Variants in COQ2 observed in about 807,000 individuals in gnomAD.
The protein encoded by COQ2 is coenzyme Q2, polyprenyltransferase, also known as 4-hydroxybenzoate polyprenyltransferase, mitochondrial.
COQ2 carries 25 observed loss-of-function variants against 35.7 expected under a neutral mutation model. The observed-to-expected ratio is 0.70, with a 90% CI of 0.51 to 0.98. The LOEUF (loss-of-function observed/expected upper bound fraction) is 0.98, where lower values mean the gene tolerates loss of function less well. Ranked by LOEUF, COQ2 falls within the 50% of genes least tolerant of loss-of-function variation. The pLI, the probability that COQ2 is intolerant of heterozygous loss-of-function variation, is 0.00. For synonymous variants in COQ2, 206 were observed against 186.2 expected (o/e 1.11, Z -0.86); for missense variants, 488 against 473.5 (o/e 1.03, Z -0.28).
At chr4:83,268,693 A>G (rs1734979175) in intron 5 of COQ2, among the ~76,000 whole-genome samples, 1 of 152,194 alleles carries the variant, frequency 6.6e-6, no homozygotes, top group Non-Finnish European at 1.5e-5. Context: ...CCTTACCGCA[A>G]AAAGTACAGG....
At chr4:83,282,979 G>C (rs937139029) in intron 1 of COQ2, among the ~76,000 whole-genome samples, 2 of 152,160 alleles carry the variant, frequency 1.3e-5, no homozygotes, top group African/African-American at 4.8e-5. Flanking sequence ...CCATGCCACA[G>C]ACTCCAAGAA....
At position 83,264,237 on chromosome 4, in the gene COQ2, T is replaced by C; in HGVS notation, c.1078A>G (p.Lys360Glu). 1 of 1,588,584 alleles carries C rather than the reference T, an allele frequency of 6.3e-7. No homozygotes were observed. The highest frequency in any genetic ancestry group is 8.6e-7 in the Non-Finnish European group (1 of 1,161,280). ...TTATTCTCTATACCCTTCTTTGTTT[T>C]GTCTGTCTTCTTTTCTTTCCACAAA... is the stretch of plus-strand genomic sequence containing the variant. The part of the protein sequence containing the change: ...GNLWKEKKTD[K>E]TKKGIENKIE... Residue 360 changes from lysine (K) to glutamate (E), a missense_variant, in exon 7 of 7, where the codon AAA becomes GAA. By Grantham distance (56) the Lys-to-Glu change is moderately conservative. Transcript: ENST00000647002.
intron 4 of COQ2, among the ~76,000 whole-genome samples, chr4:83,271,424 T>C (rs982153720): frequency 2.0e-5 from 3 of 152,200 alleles, no homozygotes; most frequent in Non-Finnish European, 2.9e-5. Flanking sequence ...CTTGTTTTCC[T>C]GCCACAGAGT....
intron 2 of COQ2, among the ~76,000 whole-genome samples, chr4:83,276,079 T>TATATATTTTATATATAATATATAAA (rs1735174500): frequency 2.1e-5 from 3 of 143,032 alleles, no homozygotes; most frequent in African/African-American, 7.7e-5. Flanking sequence ...TTATATATAA[T>TATATATTTTATATATAATATATAAA]ATATATATAC....
rs544844791 is a variant in COQ2 at position 83,268,935 on chromosome 4, C to T, written c.762+925G>A. Among the ~76,000 whole-genome samples the T allele has an allele frequency of 3.3e-5, 5 of 152,258 alleles. 1 individual carries two copies. The South Asian group carries it at 8.3e-4, about 25-fold the overall frequency. The stretch of plus-strand genomic sequence containing the variant: ...TATAAATGTATTCTCAGAACATGTA[C>T]TATCAAATCATCACACTGTATACCT... On this transcript the variant is annotated intron_variant, in intron 5 of 6. Transcript: ENST00000647002.
At chr4:83,282,603 A>G (rs759200003) in intron 1 of COQ2, 8 of 868,104 alleles carry the variant, frequency 9.2e-6, no homozygotes, top group African/African-American at 3.6e-5. Flanking sequence ...AATTTTCTCC[A>G]TTCCCCACTT....
chr4:83,265,458 G>A (rs1418559531), intron 6 of COQ2, among the ~76,000 whole-genome samples: 2 of 152,066 alleles, frequency 1.3e-5, no homozygotes, highest in African/African-American at 4.8e-5. Context: ...TGTGATCCCA[G>A]CTACTACGGA....
upstream of COQ2, chr4:83,284,888 C>G (rs929218586): frequency 5.3e-6 from 8 of 1,523,378 alleles, no homozygotes; most frequent in Non-Finnish European, 7.0e-6. Context: ...AACCTTTCCT[C>G]ATCCTTACTT....
intron 1 of COQ2, chr4:83,281,683 TACC>T (rs1396397977): frequency 1.3e-5 from 2 of 152,348 alleles, no homozygotes; most frequent in African/African-American, 4.8e-5. Flanking sequence ...GCACTTACTG[TACC>T]AGGTGGTTTC....
chr4:83,267,848 T>A (rs1168058971), intron 5 of COQ2, 74 bp from the exon 6 acceptor site: 3 of 1,242,760 alleles, frequency 2.4e-6, no homozygotes, highest in Non-Finnish European at 2.1e-6. Context: ...TTTTGAAGTA[T>A]CAGATTTAGT....
At chr4:83,267,853 T>C in intron 5 of COQ2, 79 bp from the exon 6 acceptor site, 1 of 1,173,472 alleles carries the variant, frequency 8.5e-7, no homozygotes, top group Non-Finnish European at 1.1e-6. Context: ...AAGTATCAGA[T>C]TTAGTGTTTT....
chr4:83,283,678 T>G (rs1259174146), intron 1 of COQ2: 24 of 985,392 alleles, frequency 2.4e-5, no homozygotes, highest in Non-Finnish European at 2.9e-5. Flanking sequence ...AAGCAAAGGG[T>G]TTCCATAGCT....
At chr4:83,279,382 T>A in intron 1 of COQ2, among the ~76,000 whole-genome samples, 1 of 152,124 alleles carries the variant, frequency 6.6e-6, no homozygotes, top group East Asian at 1.9e-4. Context: ...CTTATACATA[T>A]GAAAAGATAC....
intron 6 of COQ2, chr4:83,267,127 C>G: frequency 2.2e-6 from 1 of 453,214 alleles, no homozygotes; most frequent in Non-Finnish European, 4.4e-6. Flanking sequence ...GTAATCCCAG[C>G]ACTTTTGGGA....
rs984334259 is a variant in COQ2, at chr4:83,279,126, T to C, written c.254-12A>G. On this transcript the variant is annotated splice_polypyrimidine_tract_variant and intron_variant, in intron 1 of 6. Coordinates refer to ENST00000647002, the MANE Select transcript of COQ2 (RefSeq NM_001358921.2). ...CAGAAGCCAGGTTCCTAAGCAAAAA[T>C]AAAAAGACAAAAAAGGTACAAATTT... 3.3e-6 allele frequency: 5 copies of C among 1,527,858 alleles called. No homozygotes were observed. Among genetic ancestry groups the C allele is most frequent in the Non-Finnish European group, 4.4e-6 (5 of 1,142,378 alleles). 94.6% of individuals were successfully genotyped at this position (1,527,858 alleles called of 1,614,324 possible).
chr4:83,264,372 G>A lies in COQ2; in HGVS notation c.952-9C>T, dbSNP rs561450756. The A allele has an allele frequency of 1.1e-5, 17 of 1,590,052 alleles. No individual in the cohort carries two copies. The South Asian group carries it at 1.5e-4, about 14-fold the overall frequency. The stretch of plus-strand genomic sequence containing the variant: ...ATGTCTAGAGTGTAAATCTGCAAGA[G>A]AGGAATACAAAGTTGTATTAATACC... On this transcript the variant is annotated splice_polypyrimidine_tract_variant and intron_variant, in intron 6 of 6. Coordinates refer to ENST00000647002, the MANE Select transcript of COQ2 (RefSeq NM_001358921.2).
At chr4:83,268,466 G>A (rs766930830) in intron 5 of COQ2, among the ~76,000 whole-genome samples, 25 of 152,262 alleles carry the variant, frequency 1.6e-4, no homozygotes, top group East Asian at 9.6e-4. Context: ...CTGACCTACC[G>A]GCAGACAGCA....
At chr4:83,268,780 A>C (rs1734980754) in intron 5 of COQ2, among the ~76,000 whole-genome samples, 1 of 152,224 alleles carries the variant, frequency 6.6e-6, no homozygotes, top group Admixed American at 6.5e-5. Flanking sequence ...ATGATACTAC[A>C]AATGTAGCAG....
chr4:83,280,177 T>A (rs968099695), intron 1 of COQ2, among the ~76,000 whole-genome samples: 1 of 152,218 alleles, frequency 6.6e-6, no homozygotes, highest in Admixed American at 6.5e-5. Flanking sequence ...TAGTTCTTAG[T>A]ACTTAACCAA....
Sources: gnomAD v4.1 joint callset for allele counts (sites outside exome capture counted in the v4.1 genomes callset) on GRCh38, gnomAD v4.1.1 for gene constraint, MANE v1.5 for transcripts, NCBI Gene and HGNC (gene_info 2026-07-23, HGNC 2026-07-21) for gene names.